ROCK1: variants seen among roughly 807,000 people sequenced by gnomAD.
ROCK1 encodes the protein Rho associated coiled-coil containing protein kinase 1, also known as rho-associated protein kinase 1.
Under a neutral mutation model 196.8 loss-of-function variants are expected in ROCK1, and 36 were observed. The observed-to-expected ratio is 0.18, with a 90% CI of 0.14 to 0.24. ROCK1 has a LOEUF of 0.24. Among genes scored for constraint, ROCK1 ranks in the 10% least tolerant of loss-of-function variants. ROCK1 has a pLI of 1.00. For synonymous variants in ROCK1, 443 were observed against 515.9 expected, an observed-to-expected ratio of 0.86 and a Z score of 1.91; for missense variants, 920 against 1,562.0, an observed-to-expected ratio of 0.59 and a Z score of 6.93.
chr18:21,009,798 T>C (rs2035800789), intron 13 of ROCK1, among the ~76,000 whole-genome samples: 1 of 152,340 alleles, frequency 6.6e-6, no homozygotes, highest in Non-Finnish European at 1.5e-5. Context: ...ACTTCCCAAA[T>C]GACTAATTAT....
At chr18:20,998,662 T>C (rs1227286429) in intron 16 of ROCK1, among the ~76,000 whole-genome samples, 1 of 145,242 alleles carries the variant, frequency 6.9e-6, no homozygotes, top group Non-Finnish European at 1.5e-5. Context: ...TGGAGTGCAG[T>C]GATGCAATCT....
chr18:21,085,879 C>T (rs189606127), intron 1 of ROCK1, among the ~76,000 whole-genome samples: 21 of 152,176 alleles, frequency 1.4e-4, no homozygotes, highest in African/African-American at 4.1e-4. Context: ...AATATATTCA[C>T]GGATAATTTC....
rs574441797 is a variant in ROCK1 at position 20,958,725 on chromosome 18, T to C, written c.3512+1115A>G. On this transcript the variant is annotated intron_variant, in intron 29 of 32. Coordinates refer to ENST00000399799, the MANE Select transcript of ROCK1 (RefSeq NM_005406.3). ...TATATAAAATGGTGTGGTATTTGCA[T>C]ATAACCTAGGCACATCCTCCTGTAT... Among the ~76,000 whole-genome samples the C allele has an allele frequency of 2.0e-5, 3 of 150,604 alleles. No homozygotes were observed. In the South Asian group the frequency reaches 6.2e-4, roughly 31 times the overall value.
intron 29 of ROCK1, among the ~76,000 whole-genome samples, chr18:20,959,218 A>AT (rs1196589613): frequency 3.8e-4 from 35 of 92,874 alleles, no homozygotes; most frequent in Non-Finnish European, 6.2e-4. Context: ...TAATATATAT[A>AT]TTTTTTTTTT....
intron 1 of ROCK1, among the ~76,000 whole-genome samples, chr18:21,083,832 T>C (rs1598556997): frequency 6.6e-6 from 1 of 152,178 alleles, no homozygotes; most frequent in Non-Finnish European, 1.5e-5. Context: ...TAGTTAAGTT[T>C]TGGGGAAATT....
intron 1 of ROCK1, among the ~76,000 whole-genome samples, chr18:21,093,235 A>C (rs2036585853): frequency 6.6e-6 from 1 of 152,190 alleles, no homozygotes; most frequent in African/African-American, 2.4e-5. Flanking sequence ...TCTTGTAATC[A>C]CAAGTTCTCT....
intron 22 of ROCK1, among the ~76,000 whole-genome samples, chr18:20,973,049 T>C (rs1386707916): frequency 6.6e-6 from 1 of 151,494 alleles, no homozygotes; most frequent in East Asian, 2.0e-4. Flanking sequence ...CCAGCTAATT[T>C]TGTATTTTTA....
At chr18:21,010,172 GT>G (rs956036033) in intron 13 of ROCK1, among the ~76,000 whole-genome samples, 2 of 151,880 alleles carry the variant, frequency 1.3e-5, no homozygotes, top group Non-Finnish European at 2.9e-5. Flanking sequence ...TTTCTCTATT[GT>G]TTTTCTGCTT....
intron 4 of ROCK1, among the ~76,000 whole-genome samples, chr18:21,047,486 C>T (rs2143514395): frequency 6.6e-6 from 1 of 152,212 alleles, no homozygotes; most frequent in African/African-American, 2.4e-5. Flanking sequence ...AAAACATAGA[C>T]ATTTCAAGTT....
intron 13 of ROCK1, among the ~76,000 whole-genome samples, chr18:21,015,016 A>AT (rs1158052997): frequency 6.6e-6 from 1 of 152,172 alleles, no homozygotes; most frequent in African/African-American, 2.4e-5. Flanking sequence ...AAATCAATAT[A>AT]TTTTCCATTT....
chr18:21,042,653 T>A lies in ROCK1; in HGVS notation c.732A>T (p.Glu244Asp). Residue 244 changes from glutamate (E) to aspartate (D), a missense_variant, in exon 7 of 33, where the codon GAA becomes GAT. By Grantham distance (45) the Glu-to-Asp change is conservative. Coordinates refer to ENST00000399799, the MANE Select transcript of ROCK1 (RefSeq NM_005406.3). ...AVGTPDYISP[E>D]VLKSQGGDGY... ...CATCACCACCTTGGGATTTTAATACTTCAGGGGAAATATAATCAGGTGTTC... is the reference window on the plus strand; with the variant it reads ...CATCACCACCTTGGGATTTTAATACATCAGGGGAAATATAATCAGGTGTTC... 6.2e-7 allele frequency: 1 copy of A among 1,613,930 alleles called. No homozygotes were observed. Among genetic ancestry groups the A allele is most frequent in the Non-Finnish European group, 8.5e-7 (1 of 1,179,866 alleles).
intron 1 of ROCK1, among the ~76,000 whole-genome samples, chr18:21,095,905 T>C (rs2036609007): frequency 6.6e-6 from 1 of 152,056 alleles, no homozygotes; most frequent in Non-Finnish European, 1.5e-5. Context: ...TTTTCCATGA[T>C]GTGATTACAC....
chr18:21,044,331 A>C, intron 5 of ROCK1, 145 bp from the exon 6 acceptor site: 5 of 447,402 alleles, frequency 1.1e-5, no homozygotes, highest in Non-Finnish European at 2.0e-5. Context: ...CACATCTATA[A>C]ATTAAATTTC....
intron 1 of ROCK1, among the ~76,000 whole-genome samples, chr18:21,090,989 T>C (rs1342266236): frequency 6.6e-6 from 1 of 152,216 alleles, no homozygotes; most frequent in Non-Finnish European, 1.5e-5. Context: ...TATCTGTTTT[T>C]CTGTAACAGT....
chr18:20,984,613 A>T, intron 19 of ROCK1, 78 bp from the exon 20 acceptor site: 4 of 1,014,370 alleles, frequency 3.9e-6, no homozygotes, highest in Non-Finnish European at 5.7e-6. Context: ...CTACTAACCA[A>T]ATCAAGTACA....
intron 1 of ROCK1, among the ~76,000 whole-genome samples, chr18:21,109,716 A>C (rs2036733387): frequency 6.6e-6 from 1 of 152,210 alleles, no homozygotes. Context: ...AATACAAATA[A>C]ACAGAAATTT....
At chr18:20,980,688 G>A (rs1262619783) in intron 21 of ROCK1, among the ~76,000 whole-genome samples, 5 of 152,022 alleles carry the variant, frequency 3.3e-5, no homozygotes, top group South Asian at 2.1e-4. Context: ...AGGCCAAGGC[G>A]GGCAGATCAC....
intron 1 of ROCK1, among the ~76,000 whole-genome samples, chr18:21,075,031 T>C (rs1336720198): frequency 6.6e-6 from 1 of 152,180 alleles, no homozygotes; most frequent in Non-Finnish European, 1.5e-5. Flanking sequence ...GAGTCAAAGC[T>C]GTGATGATCA....
At chr18:20,965,401 A>T (rs567430988) in intron 27 of ROCK1, among the ~76,000 whole-genome samples, 106 of 134,412 alleles carry the variant, frequency 7.9e-4, no homozygotes, top group Admixed American at 1.4e-3. Flanking sequence ...ACATACATAC[A>T]TATATACATA....
Sources: gnomAD v4.1 joint callset for allele counts (sites outside exome capture counted in the v4.1 genomes callset) on GRCh38, gnomAD v4.1.1 for gene constraint, MANE v1.5 for transcripts, NCBI Gene and HGNC (gene_info 2026-07-23, HGNC 2026-07-21) for gene names.